Variants in DLGAP2 observed in about 807,000 individuals in gnomAD.
DLGAP2 encodes disks large-associated protein 2.
DLGAP2 carries 26 observed loss-of-function variants against 100.3 expected under a neutral mutation model. The observed-to-expected ratio is 0.26, with a 90% CI of 0.19 to 0.36. The LOEUF (loss-of-function observed/expected upper bound fraction) is 0.36. Ranked by LOEUF, DLGAP2 falls within the 10% of genes least tolerant of loss-of-function variation. The pLI, the probability that DLGAP2 is intolerant of heterozygous loss-of-function variation, is 1.00. For synonymous variants in DLGAP2, 886 were observed against 630.1 expected, an observed-to-expected ratio of 1.41 and a Z score of -6.08; for missense variants, 1,858 against 1,453.2, an observed-to-expected ratio of 1.28 and a Z score of -4.53.
chr8:1,438,158 G>A (rs889452106), intron 3 of DLGAP2, among the ~76,000 whole-genome samples: 10 of 152,172 alleles, frequency 6.6e-5, no homozygotes, highest in Admixed American at 6.5e-4. Context: ...CTCCCATCGT[G>A]TGGGTGTGGT....
At chr8:1,635,497 T>A (rs1444047767) in intron 8 of DLGAP2, among the ~76,000 whole-genome samples, 1 of 152,210 alleles carries the variant, frequency 6.6e-6, no homozygotes. Flanking sequence ...TGTATACATG[T>A]GTGTATGTGT....
intron 3 of DLGAP2, among the ~76,000 whole-genome samples, chr8:1,425,984 A>G (rs892655292): frequency 6.6e-6 from 1 of 152,250 alleles, no homozygotes; most frequent in Non-Finnish European, 1.5e-5. Context: ...AGCACTGAGC[A>G]GAACATGCTA....
Position 934,667 on chromosome 8 carries a change from G to A in DLGAP2, c.73+26701G>A, listed in dbSNP as rs954801892. Among the ~76,000 whole-genome samples the A allele has an allele frequency of 4.6e-5, 7 of 152,168 alleles. No homozygotes were observed. The South Asian group carries it at 8.3e-4, about 18-fold the overall frequency. On this transcript the variant is annotated intron_variant, in intron 2 of 14. Transcript: ENST00000637795. ...CAGAGCGGGCACTGGGTGCAGATGC[G>A]GAAACTCATCCTGCTTCATGCTCGC... is the stretch of plus-strand genomic sequence containing the variant.
At chr8:774,483 T>C (rs1257123970) in intron 1 of DLGAP2, among the ~76,000 whole-genome samples, 4 of 152,004 alleles carry the variant, frequency 2.6e-5, no homozygotes, top group Non-Finnish European at 5.9e-5. Context: ...TGGTTTTAGG[T>C]CTAACGTTTA....
intron 1 of DLGAP2, among the ~76,000 whole-genome samples, chr8:818,019 A>C (rs921740864): frequency 2.0e-5 from 3 of 152,086 alleles, no homozygotes; most frequent in African/African-American, 7.2e-5. Context: ...TACCTGGTTA[A>C]ATATTCAGGT....
intron 5 of DLGAP2, among the ~76,000 whole-genome samples, chr8:1,564,757 T>G (rs1720673143): frequency 6.6e-6 from 1 of 152,186 alleles, no homozygotes; most frequent in Admixed American, 6.5e-5. Context: ...ATAACATGCA[T>G]AGTTGCTCAG....
intron 2 of DLGAP2, chr8:1,001,968 T>A (rs946618762): frequency 3.3e-5 from 5 of 152,246 alleles, no homozygotes; most frequent in Non-Finnish European, 7.3e-5. Flanking sequence ...GCGAATTGAC[T>A]CTTTTCTGAA....
chr8:1,354,351 C>T (rs185508110), intron 3 of DLGAP2, among the ~76,000 whole-genome samples: 1 of 151,908 alleles, frequency 6.6e-6, no homozygotes, highest in Non-Finnish European at 1.5e-5. Flanking sequence ...TCTAAAAATA[C>T]AAAAAATACA....
At chr8:1,334,074 T>G (rs995989910) in intron 3 of DLGAP2, among the ~76,000 whole-genome samples, 3 of 152,210 alleles carry the variant, frequency 2.0e-5, no homozygotes, top group African/African-American at 7.2e-5. Context: ...CCTGTGCCCC[T>G]GAGAGCCCCA....
chr8:1,644,913 C>T (rs192086493), intron 8 of DLGAP2, among the ~76,000 whole-genome samples: 12 of 152,220 alleles, frequency 7.9e-5, no homozygotes, highest in African/African-American at 2.9e-4. Flanking sequence ...AATACTTTTG[C>T]TCTCTTAGGG....
intron 3 of DLGAP2, among the ~76,000 whole-genome samples, chr8:1,350,659 A>T (rs1585287747): frequency 9.5e-6 from 1 of 105,112 alleles, no homozygotes; most frequent in African/African-American, 3.9e-5. Flanking sequence ...TGTGCGTGGA[A>T]AGGCCGTGCG....
intron 1 of DLGAP2, chr8:883,267 C>G (rs1334060247): frequency 6.6e-6 from 1 of 152,288 alleles, no homozygotes; most frequent in Non-Finnish European, 1.5e-5. Flanking sequence ...CTCAGGCTGT[C>G]TGGACCAGCT....
intron 12 of DLGAP2, among the ~76,000 whole-genome samples, chr8:1,684,628 C>T (rs2130866039): frequency 6.6e-6 from 1 of 152,116 alleles, no homozygotes; most frequent in East Asian, 1.9e-4. Flanking sequence ...CTATAGTGAA[C>T]CCAAAGAAAT....
At position 1,219,640 on chromosome 8, in the gene DLGAP2, AG is replaced by A. The variant is rs565102541; in HGVS notation, c.74-39208del. On this transcript the variant is annotated intron_variant, in intron 2 of 14. Coordinates refer to ENST00000637795, the MANE Select transcript of DLGAP2 (RefSeq NM_001346810.2). ...TGATGCTGACCTCATAGAATGAGTT[AG>A]GGAGAAGTCCCTCCTCCTTGATTTT... Among the ~76,000 whole-genome samples, 51 of 152,284 alleles carry A rather than the reference AG, an allele frequency of 3.3e-4. 1 individual carries two copies. In the East Asian group the frequency reaches 9.3e-3, roughly 28 times the overall value.
intron 9 of DLGAP2, among the ~76,000 whole-genome samples, chr8:1,669,228 T>C (rs1488071833): frequency 6.6e-6 from 1 of 152,172 alleles, no homozygotes; most frequent in Non-Finnish European, 1.5e-5. Context: ...GTTGCATCCA[T>C]GGTTTCAGAC....
intron 1 of DLGAP2, among the ~76,000 whole-genome samples, chr8:787,752 A>G (rs895892468): frequency 6.6e-6 from 1 of 152,120 alleles, no homozygotes; most frequent in Admixed American, 6.5e-5. Context: ...GTCACACCCA[A>G]AAGTTCATCT....
intron 1 of DLGAP2, among the ~76,000 whole-genome samples, chr8:808,284 A>G (rs1247196496): frequency 2.0e-5 from 3 of 152,164 alleles, no homozygotes; most frequent in Non-Finnish European, 4.4e-5. Context: ...GTGCAGCTCC[A>G]TCTCCAGGGG....
chr8:1,512,830 T>A (rs538624952), intron 4 of DLGAP2, among the ~76,000 whole-genome samples: 7 of 152,348 alleles, frequency 4.6e-5, no homozygotes, highest in Admixed American at 3.3e-4. Context: ...GGTCACACTC[T>A]AGGTTTCTAA....
intron 2 of DLGAP2, among the ~76,000 whole-genome samples, chr8:1,235,631 A>G (rs62486958): frequency 0.45 from 6,411 of 14,276 alleles, 1,571 homozygotes; most frequent in Middle Eastern, 0.78. Context: ...CACACATAGC[A>G]TCATGTCTAG....
Sources: gnomAD v4.1 joint callset for allele counts (sites outside exome capture counted in the v4.1 genomes callset) on GRCh38, gnomAD v4.1.1 for gene constraint, MANE v1.5 for transcripts, NCBI Gene and HGNC (gene_info 2026-07-23, HGNC 2026-07-21) for gene names.